DNAJC6: variants seen among roughly 807,000 people sequenced by gnomAD.
The protein encoded by DNAJC6 is DnaJ heat shock protein family (Hsp40) member C6, also known as auxilin.
In DNAJC6, 34 loss-of-function variants were observed where a neutral mutation model predicts 110.0. The observed-to-expected ratio is 0.31, with a 90% confidence interval of 0.24 to 0.41. The LOEUF (loss-of-function observed/expected upper bound fraction) is 0.41. DNAJC6 is among the 10% of genes least tolerant of loss of function. DNAJC6 has a pLI of 1.00. For synonymous variants in DNAJC6, 406 were observed against 437.2 expected (o/e 0.93, Z 0.89); for missense variants, 1,031 against 1,207.8 (o/e 0.85, Z 2.17).
chr1:65,365,848 T>C (rs199908396), intron 2 of DNAJC6, 37 bp from the exon 3 acceptor site: 9 of 1,604,518 alleles, frequency 5.6e-6, no homozygotes, highest in Non-Finnish European at 7.7e-6. Context: ...CATATTTGGA[T>C]CATTTTAATG....
Position 65,386,178 on chromosome 1 carries a change from A to G in DNAJC6, c.995+272A>G, listed in dbSNP as rs71647483. Among the ~76,000 whole-genome samples, 3,865 of 152,304 alleles carry G rather than the reference A, an allele frequency of 0.025. 71 individuals carry two copies. The highest frequency in any genetic ancestry group is 0.11 in the South Asian group (534 of 4,824). ...CAAGGGGAACATGGGACACCTGGTC[A>G]TTGAAGAAGGAGATGGCCTTGATGG... On this transcript the variant is annotated intron_variant, in intron 7 of 18. Coordinates refer to ENST00000371069, the MANE Select transcript of DNAJC6 (RefSeq NM_001256864.2).
At chr1:65,270,218 A>G (rs774038130) in intron 1 of DNAJC6, among the ~76,000 whole-genome samples, 1 of 152,176 alleles carries the variant, frequency 6.6e-6, no homozygotes, top group African/African-American at 2.4e-5. Context: ...GAGCATTTGC[A>G]TATTGAAATA....
At chr1:65,395,627 T>C (rs1390843590) in intron 13 of DNAJC6, among the ~76,000 whole-genome samples, 1 of 152,188 alleles carries the variant, frequency 6.6e-6, no homozygotes, top group Non-Finnish European at 1.5e-5. Flanking sequence ...ATCTCATCAA[T>C]ATTTTTATAT....
chr1:65,279,352 G>C (rs1182194616), intron 1 of DNAJC6: 1 of 180,152 alleles, frequency 5.6e-6, no homozygotes, highest in African/African-American at 2.4e-5. Flanking sequence ...CCTTAATTGG[G>C]ATGGGGGTGG....
At chr1:65,339,297 G>A (rs1385104237) in intron 1 of DNAJC6, among the ~76,000 whole-genome samples, 4 of 152,156 alleles carry the variant, frequency 2.6e-5, no homozygotes, top group African/African-American at 4.8e-5. Context: ...GCTGGAGTAC[G>A]AACCCGAATC....
chr1:65,288,471 A>C (rs1654092219), intron 1 of DNAJC6, among the ~76,000 whole-genome samples: 2 of 152,216 alleles, frequency 1.3e-5, no homozygotes, highest in Admixed American at 6.5e-5. Flanking sequence ...TTCTTAGGAG[A>C]TGAACTGCTA....
At position 65,286,070 on chromosome 1, in the gene DNAJC6, T is replaced by G. The variant is rs560918282; in HGVS notation, c.-131+21138T>G. Among the ~76,000 whole-genome samples the G allele has an allele frequency of 2.6e-5, 4 of 152,290 alleles. No individual in the cohort carries two copies. The South Asian group carries it at 8.3e-4, about 32-fold the overall frequency. On this transcript the variant is annotated intron_variant, in intron 1 of 19. Coordinates refer to the DNAJC6 transcript ENST00000263441. Reference sequence around the variant, plus strand: ...TATATTTACGGAATAATTTAACATATCCCTCTACCTCCCTGCCCCAGCAAC... The same window carrying G: ...TATATTTACGGAATAATTTAACATAGCCCTCTACCTCCCTGCCCCAGCAAC...
At position 65,283,173 on chromosome 1, in the gene DNAJC6, T is replaced by C. The variant is rs532841218; in HGVS notation, c.-131+18241T>C. On this transcript the variant is annotated intron_variant, in intron 1 of 19. Transcript: ENST00000263441. ...CCAGTCACACATGCACTAGTTTATG[T>C]GTGTGTGTTTATGTTTGTAGCTCTA... Among the ~76,000 whole-genome samples the C allele has an allele frequency of 2.6e-4, 40 of 152,336 alleles. No individual in the cohort carries two copies. The South Asian group carries it at 8.1e-3, about 31-fold the overall frequency.
At chr1:65,302,077 C>T (rs1403059204) in intron 1 of DNAJC6, among the ~76,000 whole-genome samples, 4 of 103,118 alleles carry the variant, frequency 3.9e-5, no homozygotes, top group African/African-American at 8.2e-5. Flanking sequence ...ATATATAATA[C>T]GTATTATATA....
intron 1 of DNAJC6, among the ~76,000 whole-genome samples, chr1:65,338,982 C>T (rs529226173): frequency 7.2e-5 from 11 of 152,284 alleles, no homozygotes; most frequent in Non-Finnish European, 1.0e-4. Flanking sequence ...CATTGATGCC[C>T]TCTGCGTCAC....
At chr1:65,387,021 G>C (rs1053901260) in intron 8 of DNAJC6, 92 bp downstream of exon 8, 1 of 1,046,074 alleles carries the variant, frequency 9.6e-7, no homozygotes, top group African/African-American at 1.6e-5. Context: ...TTGGGCTTGA[G>C]TCACTTGTAG....
intron 1 of DNAJC6, among the ~76,000 whole-genome samples, chr1:65,300,054 A>C: frequency 6.6e-6 from 1 of 151,426 alleles, no homozygotes; most frequent in African/African-American, 2.4e-5. Context: ...AAAAAAAAAA[A>C]AAAAAAAAAG....
chr1:65,412,919 T>C lies in DNAJC6; in HGVS notation c.2812-5T>C, dbSNP rs1206718545. On this transcript the variant is annotated splice_region_variant and splice_polypyrimidine_tract_variant and intron_variant, in intron 18 of 18. Transcript: ENST00000371069. ...ATCTAATGTGTGTTTTTGTTTTCTC[T>C]ACAGGCTACTGGGCAACCCTATGAA... The C allele has an allele frequency of 1.2e-6, 2 of 1,611,508 alleles. No homozygotes were observed. Among genetic ancestry groups the C allele is most frequent in the African/African-American group, 1.3e-5 (1 of 74,702 alleles).
At chr1:65,307,101 A>G (rs1645051913), upstream of DNAJC6, among the ~76,000 whole-genome samples, 1 of 150,754 alleles carries the variant, frequency 6.6e-6, no homozygotes. Context: ...CTTGTTTTAT[A>G]GAGTAGAACA....
intron 1 of DNAJC6, among the ~76,000 whole-genome samples, chr1:65,317,347 GTTC>G (rs1429836375): frequency 6.6e-6 from 1 of 152,172 alleles, no homozygotes; most frequent in Admixed American, 6.5e-5. Flanking sequence ...CTGAGGAGAA[GTTC>G]TTCACGGTCC....
intron 1 of DNAJC6, among the ~76,000 whole-genome samples, chr1:65,329,339 G>A (rs994548764): frequency 6.6e-6 from 1 of 152,068 alleles, no homozygotes; most frequent in Non-Finnish European, 1.5e-5. Flanking sequence ...GTAGCTATGA[G>A]CCTATATTGT....
At chr1:65,388,448 A>G (rs373564703) in intron 9 of DNAJC6, 33 bp downstream of exon 9, 1 of 1,597,312 alleles carries the variant, frequency 6.3e-7, no homozygotes, top group South Asian at 1.1e-5. Context: ...GTCTATTTGA[A>G]TCAAATTAGC....
intron 18 of DNAJC6, among the ~76,000 whole-genome samples, chr1:65,412,390 A>C (rs1032836268): frequency 2.6e-5 from 4 of 152,222 alleles, no homozygotes; most frequent in African/African-American, 9.6e-5. Context: ...ACTTGGGAAC[A>C]CAGGCTTGAA....
intron 1 of DNAJC6, among the ~76,000 whole-genome samples, chr1:65,358,730 A>G (rs1015071672): frequency 2.6e-5 from 4 of 152,226 alleles, no homozygotes; most frequent in South Asian, 2.1e-4. Flanking sequence ...GTAGCTAACC[A>G]TATGGCGTTA....
Sources: allele counts gnomAD v4.1 joint callset (sites outside exome capture counted in the v4.1 genomes callset), GRCh38; gene constraint gnomAD v4.1.1; transcripts MANE v1.5; gene names NCBI Gene and HGNC (gene_info 2026-07-23, HGNC 2026-07-21).